AHNAK2: variants seen among roughly 807,000 people sequenced by gnomAD.
The protein encoded by AHNAK2 is AHNAK nucleoprotein 2.
AHNAK2 carries 18 observed loss-of-function variants against 30.7 expected under a neutral mutation model. The observed-to-expected ratio is 0.59, with a 90% confidence interval of 0.41 to 0.87. The LOEUF (loss-of-function observed/expected upper bound fraction) is 0.87. Ranked by LOEUF, AHNAK2 falls within the 40% of genes least tolerant of loss-of-function variation. The probability of loss-of-function intolerance (pLI) is 0.00; values close to 1 mark genes in which losing one functional copy is unlikely to be tolerated. For synonymous variants in AHNAK2, 3,590 were observed against 3,073.8 expected, an observed-to-expected ratio of 1.17 and a Z score of -5.56; for missense variants, 8,604 against 7,373.0, an observed-to-expected ratio of 1.17 and a Z score of -6.11.
In AHNAK2 at chr14:104,951,818, G is replaced by T. The variant is rs141600524; in HGVS notation, c.3633C>A (p.Leu1211=). 7 of 1,310,712 alleles carry T rather than the reference G, an allele frequency of 5.3e-6. 3 individuals are homozygous for T. The highest frequency in any genetic ancestry group is 1.3e-5 in the South Asian group (1 of 78,248). 81.2% of individuals were successfully genotyped at this position (1,310,712 alleles called of 1,614,324 possible). ...GGTCAGCGGAAGGGGGCTGAATGCT[G>T]AGGTCAGTGGTCTTGAGGTCCCCCT... The part of the protein sequence containing the change: ...SMQGDLKTTD[L]SIQPPSADLE... The change falls in exon 7 of 7, where the codon CTC becomes CTA. Residue 1211 remains leucine (L), a synonymous_variant. Transcript: ENST00000333244.
At position 104,953,884 on chromosome 14, in the gene AHNAK2, C is replaced by T; in HGVS notation, c.1567G>A (p.Ala523Thr). The change falls in exon 7 of 7, where the codon GCG becomes ACG. Residue 523 changes from alanine to threonine, a missense_variant. Coordinates refer to ENST00000333244, the MANE Select transcript of AHNAK2 (RefSeq NM_138420.4). ...RGKRQDASSK[A>T]GTGLKGEEVE... ...TCCTCACCCTTCAGGCCAGTACCCG[C>T]TTTTGAGGACGCATCCTGTCTCTTC... 6.2e-7 allele frequency: 1 copy of T among 1,614,010 alleles called. No homozygotes were observed. Among genetic ancestry groups the T allele is most frequent in the Non-Finnish European group, 8.5e-7 (1 of 1,179,898 alleles).
In AHNAK2 at chr14:104,939,354, G is replaced by C; in HGVS notation, c.16097C>G (p.Ser5366Cys). ...KLKASSTDMPSQISVVNVDQL... is the reference protein window; with the variant it reads ...KLKASSTDMPCQISVVNVDQL... The stretch of plus-strand genomic sequence containing the variant: ...ATCCACATTAACCACAGAAATCTGG[G>C]ATGGCATATCAGTACTTGAAGCTTT... The change falls in exon 7 of 7, where the codon TCC (serine) becomes TGC (cysteine). Residue 5366 changes from serine to cysteine, a missense_variant. Transcript: ENST00000333244. 5.6e-6 allele frequency: 9 copies of C among 1,613,684 alleles called. No homozygotes were observed. The highest frequency in any genetic ancestry group is 7.6e-6 in the Non-Finnish European group (9 of 1,179,876).
Position 104,950,391 on chromosome 14 carries a change from T to A in AHNAK2, c.5060A>T (p.Lys1687Met). Residue 1687 changes from lysine to methionine, a missense_variant, in exon 7 of 7, where the codon AAG (lysine) becomes ATG (methionine). Coordinates refer to ENST00000333244, the MANE Select transcript of AHNAK2 (RefSeq NM_138420.4). Reference sequence around the variant, plus strand: ...GGGGAGGCTCACATCAGCTTCCACCTTCGGCTCAGACACATCCACCGAGGC... The same window carrying A: ...GGGGAGGCTCACATCAGCTTCCACCATCGGCTCAGACACATCCACCGAGGC... ...IEASVDVSEP[K>M]VEADVSLPSM... 1 of 1,586,646 alleles carries A rather than the reference T, an allele frequency of 6.3e-7. No individual in the cohort carries two copies. Among genetic ancestry groups the A allele is most frequent in the Non-Finnish European group, 8.6e-7 (1 of 1,162,868 alleles).
Position 104,950,432 on chromosome 14 carries a change from T to A in AHNAK2, c.5019A>T (p.Pro1673=), listed in dbSNP as rs186412426. ...CCACCGAGGCCTCGATGGACTTGCC[T>A]GGGGCCGACACCCCAAATGATGGCA... ...FKMPSFGVSA[P]GKSIEASVDV... Residue 1673 remains proline, a synonymous_variant, in exon 7 of 7, where the codon CCA becomes CCT. Coordinates refer to ENST00000333244, the MANE Select transcript of AHNAK2 (RefSeq NM_138420.4). 5.0e-4 allele frequency: 786 copies of A among 1,586,852 alleles called. 75 individuals are homozygous for A. The highest frequency in any genetic ancestry group is 3.0e-3 in the Admixed American group (175 of 57,500).
chr14:104,949,767 TG>T lies in AHNAK2; in HGVS notation c.5683del (p.Gln1895ArgfsTer41). The T allele has an allele frequency of 6.3e-7, 1 of 1,584,030 alleles. No individual in the cohort carries two copies. The highest frequency in any genetic ancestry group is 8.6e-7 in the Non-Finnish European group (1 of 1,161,976). On this transcript the variant is annotated frameshift_variant, in exon 7 of 7. Transcript: ENST00000333244. LOFTEE classifies it low-confidence loss of function (END_TRUNC). Reference sequence around the variant, plus strand: ...TTTGAGGCCGGCTCCCTCGGGCACCTGGCCCTCCGGGAGCTTCATGTCCACT... The same window carrying T: ...TTTGAGGCCGGCTCCCTCGGGCACCTGCCCTCCGGGAGCTTCATGTCCACT... ...GQVDMKLPEG[Q>X]VPEGAGLKGH...
chr14:104,944,670 A>G lies in AHNAK2; in HGVS notation c.10781T>C (p.Val3594Ala), dbSNP rs775146496. 16 of 1,610,104 alleles carry G rather than the reference A, an allele frequency of 9.9e-6. No homozygotes were observed. Among genetic ancestry groups the G allele is most frequent in the South Asian group, 6.6e-5 (6 of 90,872 alleles). Reference protein sequence around the residue: ...DLKGPKAEVRVPDVEVSLPSV... With the variant: ...DLKGPKAEVRAPDVEVSLPSV... ...GGGCAGAGACACCTCGACATCGGGG[A>G]CTCTCACTTCTGCCTTGGGGCCTTT... The change falls in exon 7 of 7, where the codon GTC (valine) becomes GCC (alanine). Residue 3594 changes from valine to alanine, a missense_variant. Val to Ala is a moderately conservative substitution (Grantham distance 64). Transcript: ENST00000333244.
Position 104,948,645 on chromosome 14 carries a change from T to G in AHNAK2, c.6806A>C (p.Lys2269Thr). 1 of 1,612,224 alleles carries G rather than the reference T, an allele frequency of 6.2e-7. No homozygotes were observed. Among genetic ancestry groups the G allele is most frequent in the Non-Finnish European group, 8.5e-7 (1 of 1,179,720 alleles). The stretch of plus-strand genomic sequence containing the variant: ...CACATCAGGGGCTGTCACTTCCACC[T>G]TGGGGTCTTTTAGGTCCAGCTTGGG... The part of the protein sequence containing the change: ...KGPKLDLKDP[K>T]VEVTAPDVEV... The change falls in exon 7 of 7, where the codon AAG becomes ACG. Residue 2269 changes from lysine to threonine, a missense_variant. Transcript: ENST00000333244.
At chr14:104,964,413 A>G (rs931145197) in intron 1 of AHNAK2, among the ~76,000 whole-genome samples, 3 of 152,134 alleles carry the variant, frequency 2.0e-5, no homozygotes, top group Non-Finnish European at 4.4e-5. Context: ...AACCACTTGG[A>G]AACAGCCTGG....
At chr14:104,963,020 A>T (rs1423538746) in intron 1 of AHNAK2, among the ~76,000 whole-genome samples, 1 of 152,248 alleles carries the variant, frequency 6.6e-6, no homozygotes, top group Non-Finnish European at 1.5e-5. Flanking sequence ...AAGTTCTCAT[A>T]ATTTAAAACA....
rs1279915192 is a variant in AHNAK2 at position 104,938,612 on chromosome 14, C to G, written c.16839G>C (p.Glu5613Asp). Residue 5613 changes from glutamate to aspartate, a missense_variant, in exon 7 of 7, where the codon GAG (glutamate) becomes GAC (aspartate). Coordinates refer to ENST00000333244, the MANE Select transcript of AHNAK2 (RefSeq NM_138420.4). ...CCTCTTGGCTATCATCAGGGGGAAA[C>G]TCAAGAATTTCTGCTGGCTCCTCAT... is the stretch of plus-strand genomic sequence containing the variant. ...CSDEEPAEIL[E>D]FPPDDSQEAT... 15 of 1,612,894 alleles carry G rather than the reference C, an allele frequency of 9.3e-6. No individual in the cohort carries two copies.
rs766710122 is a variant in AHNAK2, at chr14:104,942,829, T to C, written c.12622A>G (p.Lys4208Glu). The change falls in exon 7 of 7, where the codon AAG becomes GAG. Residue 4208 changes from lysine (K) to glutamate (E), a missense_variant. Transcript: ENST00000333244. ...DVKLPEGPLP[K>E]GAGLKGHLPK... ...AGGTGCCCTTTGAGGCCGGCTCCCT[T>C]GGGCAGGGGGCCCTCCGGGAGTTTC... 4.4e-4 allele frequency: 706 copies of C among 1,606,662 alleles called. 2 individuals carry two copies. The African/African-American group carries it at 7.6e-3, about 17-fold the overall frequency.
intron 3 of AHNAK2, among the ~76,000 whole-genome samples, chr14:104,956,916 C>T (rs1385044372): frequency 6.6e-6 from 1 of 152,150 alleles, no homozygotes; most frequent in Non-Finnish European, 1.5e-5. Flanking sequence ...CCCACAGCAC[C>T]CACCCTACAG....
In AHNAK2 at chr14:104,953,449, CTTCCTTTTCTGTCAGAATTTG is replaced by C; in HGVS notation, c.1981_2001del (p.Gln661_Glu667del). ...TTGAACTTGCTGTCTTTGGTGGCCACTTCCTTTTCTGTCAGAATTTGTTCCTTTTTTAAGCGTTTTTCATCG... is the reference window on the plus strand; with the variant it reads ...TTGAACTTGCTGTCTTTGGTGGCCACTTCCTTTTTTAAGCGTTTTTCATCG... On this transcript the variant is annotated inframe_deletion, in exon 7 of 7. Transcript: ENST00000333244. The C allele has an allele frequency of 6.2e-7, 1 of 1,614,054 alleles. No individual in the cohort carries two copies. The highest frequency in any genetic ancestry group is 8.5e-7 in the Non-Finnish European group (1 of 1,179,906).
Position 104,954,629 on chromosome 14 carries a change from T to C in AHNAK2, c.822A>G (p.Gly274=). 6.2e-7 allele frequency: 1 copy of C among 1,612,592 alleles called. No individual in the cohort carries two copies. The highest frequency in any genetic ancestry group is 8.5e-7 in the Non-Finnish European group (1 of 1,179,642). ...FQSIKSKRGP[G]PQRSHSSSEA... ...CTGACGAGCTGTGTGACCTCTGGGG[T>C]CCCGGCCCCCGCTTGCTCTTTATGG... The change falls in exon 7 of 7, where the codon GGA becomes GGG. Residue 274 remains glycine (G), a synonymous_variant. Coordinates refer to ENST00000333244, the MANE Select transcript of AHNAK2 (RefSeq NM_138420.4). The surrounding 1 kb of genome is among the most constrained non-coding windows in gnomAD (Gnocchi z 4.3).
chr14:104,948,092 G>C lies in AHNAK2; in HGVS notation c.7359C>G (p.Val2453=), dbSNP rs373388816. 4.1e-4 allele frequency: 659 copies of C among 1,612,672 alleles called. 2 individuals are homozygous for C. The highest frequency in any genetic ancestry group is 5.5e-4 in the Non-Finnish European group (648 of 1,179,704). The change falls in exon 7 of 7, where the codon GTC becomes GTG. Residue 2453 remains valine, a synonymous_variant. Coordinates refer to ENST00000333244, the MANE Select transcript of AHNAK2 (RefSeq NM_138420.4). Reference sequence around the variant, plus strand: ...CATCCAGCTTGGCTCCCGGGGCCTCGACATCCACCTCCACGCTGGGCTGAG... The same window carrying C: ...CATCCAGCTTGGCTCCCGGGGCCTCCACATCCACCTCCACGCTGGGCTGAG... The part of the protein sequence containing the change: ...EVSQPSVEVD[V]EAPGAKLDGA...
At chr14:104,958,830 G>A (rs995385042) in intron 1 of AHNAK2, among the ~76,000 whole-genome samples, 2 of 146,128 alleles carry the variant, frequency 1.4e-5, no homozygotes, top group Non-Finnish European at 3.0e-5. Context: ...CTAAGCAGGA[G>A]AAACACAGAG....
intron 4 of AHNAK2, 70 bp from the exon 5 acceptor site, chr14:104,955,703 CTG>C (rs1898953697): frequency 6.4e-7 from 1 of 1,555,912 alleles, no homozygotes; most frequent in African/African-American, 1.4e-5. Flanking sequence ...CTGCTGGGGC[CTG>C]TGTCTCCAGA....
Position 104,940,793 on chromosome 14 carries a change from T to C in AHNAK2, c.14658A>G (p.Ala4886=), listed in dbSNP as rs1438681159. The change falls in exon 7 of 7, where the codon GCA becomes GCG. Residue 4886 remains alanine, a synonymous_variant. Coordinates refer to ENST00000333244, the MANE Select transcript of AHNAK2 (RefSeq NM_138420.4). This position sits in a 1 kb window ranked among gnomAD's most constrained non-coding sequence, Gnocchi z 4.4. The part of the protein sequence containing the change: ...QMAVPEGDLH[A]AVGAPVMSPL... ...GAGACATGACTGGGGCACCCACTGC[T>C]GCATGTAGGTCTCCCTCAGGAACTG... 6.2e-7 allele frequency: 1 copy of C among 1,613,046 alleles called. No individual in the cohort carries two copies. The highest frequency in any genetic ancestry group is 8.5e-7 in the Non-Finnish European group (1 of 1,179,884).
At position 104,938,893 on chromosome 14, in the gene AHNAK2, A is replaced by C. The variant is rs1459514230; in HGVS notation, c.16558T>G (p.Leu5520Val). The C allele has an allele frequency of 6.2e-7, 1 of 1,613,774 alleles. No individual in the cohort carries two copies. The highest frequency in any genetic ancestry group is 8.5e-7 in the Non-Finnish European group (1 of 1,179,876). The change falls in exon 7 of 7, where the codon TTA (leucine) becomes GTA (valine). Residue 5520 changes from leucine to valine, a missense_variant. Transcript: ENST00000333244. ...EIQTPSYGFSLLKVKIPEPHT... is the reference protein window; with the variant it reads ...EIQTPSYGFSVLKVKIPEPHT... ...GGCTCTGGGATTTTCACTTTTAATA[A>C]GGAAAATCCGTACGAAGGTGTTTGA...
Sources: gnomAD v4.1 joint callset for allele counts (sites outside exome capture counted in the v4.1 genomes callset) on GRCh38, gnomAD v4.1.1 for gene constraint, Gnocchi (gnomAD v3.1) non-coding constraint, MANE v1.5 for transcripts, NCBI Gene and HGNC (gene_info 2026-07-23, HGNC 2026-07-21) for gene names.